INPP4B: variants seen among roughly 807,000 people sequenced by gnomAD.
INPP4B encodes inositol polyphosphate-4-phosphatase type II B, also known as inositol polyphosphate 4-phosphatase type II.
A neutral mutation model predicts 122.5 loss-of-function variants in INPP4B; 55 were observed. The ratio of observed to expected loss-of-function variants is 0.45; its 90% CI spans 0.36 to 0.56. INPP4B has a LOEUF of 0.56. Among genes scored for constraint, INPP4B ranks in the 20% least tolerant of loss-of-function variants. INPP4B has a pLI of 0.00. For synonymous variants in INPP4B, 403 were observed against 388.7 expected (o/e 1.04, Z -0.43); for missense variants, 1,000 against 1,097.7 (o/e 0.91, Z 1.26).
intron 2 of INPP4B, among the ~76,000 whole-genome samples, chr4:142,623,979 T>C (rs1039271654): frequency 7.9e-5 from 12 of 152,084 alleles, no homozygotes; most frequent in Non-Finnish European, 7.4e-5. Flanking sequence ...TGTTGGACAT[T>C]TGGGTTGGTT....
Position 142,128,342 on chromosome 4 carries a change from T to TAC in INPP4B, c.1721-3584_1721-3583dup, listed in dbSNP as rs3836673. On this transcript the variant is annotated intron_variant, in intron 18 of 25. Coordinates refer to ENST00000262992, the MANE Select transcript of INPP4B (RefSeq NM_001101669.3). ...TGTATTTCAGGATTTCGTACTTTTA[T>TAC]ACACACACACACACACACACACACA... 4.6e-3 allele frequency among the ~76,000 whole-genome samples: 686 copies of TAC among 147,554 alleles called. 5 individuals carry two copies. Among genetic ancestry groups the TAC allele is most frequent in the African/African-American group, 0.015 (607 of 39,528 alleles).
At chr4:142,499,066 A>G (rs888299394) in intron 2 of INPP4B, among the ~76,000 whole-genome samples, 2 of 152,224 alleles carry the variant, frequency 1.3e-5, no homozygotes, top group African/African-American at 4.8e-5. Context: ...TTATTTGGAA[A>G]GACTTTTCCC....
chr4:142,607,654 C>T (rs1000909051), intron 2 of INPP4B, among the ~76,000 whole-genome samples: 4 of 152,236 alleles, frequency 2.6e-5, no homozygotes, highest in East Asian at 1.9e-4. Context: ...TATTAATGCT[C>T]TGTGTACAGA....
chr4:142,382,986 A>G (rs1794731859), intron 7 of INPP4B, among the ~76,000 whole-genome samples: 1 of 151,984 alleles, frequency 6.6e-6, no homozygotes, highest in African/African-American at 2.4e-5. Flanking sequence ...TATTTTTACT[A>G]TAGTCTTATA....
intron 25 of INPP4B, among the ~76,000 whole-genome samples, chr4:142,036,274 A>G (rs1405032966): frequency 6.6e-6 from 1 of 152,180 alleles, no homozygotes; most frequent in Admixed American, 6.6e-5. Context: ...TAATAACTTT[A>G]TTGAAATCTT....
At position 142,481,133 on chromosome 4, in the gene INPP4B, C is replaced by CAA. The variant is rs551228788; in HGVS notation, c.-190-18409_-190-18408dup. On this transcript the variant is annotated intron_variant, in intron 2 of 25. Coordinates refer to ENST00000262992, the MANE Select transcript of INPP4B (RefSeq NM_001101669.3). ...CTGGCAACAGAGCGAGACTCTGTCTCAAAAAAAAAAAAAAAAAAAAAAAGT... is the reference window on the plus strand; with the variant it reads ...CTGGCAACAGAGCGAGACTCTGTCTCAAAAAAAAAAAAAAAAAAAAAAAAAGT... 6.4e-3 allele frequency among the ~76,000 whole-genome samples: 363 copies of CAA among 56,762 alleles called. 7 individuals carry two copies. Among genetic ancestry groups the CAA allele is most frequent in the Middle Eastern group, 0.02 (2 of 98 alleles). 37.2% of individuals were successfully genotyped at this position (56,762 alleles called of 152,430 possible).
At chr4:142,128,278 T>C (rs1396085185) in intron 18 of INPP4B, among the ~76,000 whole-genome samples, 5 of 151,556 alleles carry the variant, frequency 3.3e-5, no homozygotes, top group South Asian at 4.2e-4. Context: ...ACAATCTTAG[T>C]TGAAACTTGA....
intron 1 of INPP4B, among the ~76,000 whole-genome samples, chr4:142,829,659 T>G (rs1288902912): frequency 6.6e-6 from 1 of 152,142 alleles, no homozygotes; most frequent in Non-Finnish European, 1.5e-5. Flanking sequence ...GCCAGAAAAC[T>G]GTGGAGCAAT....
chr4:142,072,191 A>G (rs1767839143), intron 25 of INPP4B, among the ~76,000 whole-genome samples: 1 of 152,166 alleles, frequency 6.6e-6, no homozygotes, highest in African/African-American at 2.4e-5. Context: ...TTGTAGGGAC[A>G]TGGATGAAGC....
At chr4:142,112,482 A>G (rs1490816161) in intron 22 of INPP4B, 60 bp downstream of exon 22, 3 of 1,572,104 alleles carry the variant, frequency 1.9e-6, no homozygotes, top group Non-Finnish European at 2.6e-6. Flanking sequence ...GGGACTTCTC[A>G]TCATATGCTT....
Position 142,118,674 on chromosome 4 carries a change from C to T in INPP4B, c.2135+3454G>A, listed in dbSNP as rs376953762. On this transcript the variant is annotated intron_variant, in intron 21 of 25. Coordinates refer to ENST00000262992, the MANE Select transcript of INPP4B (RefSeq NM_001101669.3). ...TGGATTAAAGACTTAAATGTCAGAC[C>T]TAAAACCATAAAAACCCTAGAAGAA... Among the ~76,000 whole-genome samples the T allele has an allele frequency of 3.1e-3, 468 of 152,172 alleles. 2 individuals carry two copies. The highest frequency in any genetic ancestry group is 0.017 in the Middle Eastern group (5 of 294).
At chr4:142,235,190 C>T (rs547639567) in intron 12 of INPP4B, among the ~76,000 whole-genome samples, 1 of 152,136 alleles carries the variant, frequency 6.6e-6, no homozygotes, top group East Asian at 1.9e-4. Flanking sequence ...TAAGAGGTTT[C>T]TAAACTGAAG....
intron 15 of INPP4B, among the ~76,000 whole-genome samples, chr4:142,179,398 G>A (rs1032730287): frequency 6.0e-5 from 9 of 151,136 alleles, no homozygotes; most frequent in African/African-American, 1.5e-4. Flanking sequence ...GCTTGAACTC[G>A]GGAGGTGGAG....
At chr4:142,395,081 A>G (rs1798937957) in intron 7 of INPP4B, among the ~76,000 whole-genome samples, 1 of 152,236 alleles carries the variant, frequency 6.6e-6, no homozygotes, top group African/African-American at 2.4e-5. Context: ...GTGAGAGCCC[A>G]AAACAAAAAA....
intron 1 of INPP4B, among the ~76,000 whole-genome samples, chr4:142,786,877 T>A (rs1360677636): frequency 6.6e-6 from 1 of 152,058 alleles, no homozygotes; most frequent in East Asian, 1.9e-4. Flanking sequence ...AGGGGGAAAC[T>A]GTCACAATCA....
intron 16 of INPP4B, among the ~76,000 whole-genome samples, chr4:142,160,982 TTTGCACCAGCC>T: frequency 6.6e-6 from 1 of 152,004 alleles, no homozygotes. Flanking sequence ...CGCAATTACT[TTTGCACCAGCC>T]TAATATGTTT....
At position 142,424,927 on chromosome 4, in the gene INPP4B, T is replaced by C. The variant is rs79095653; in HGVS notation, c.136+4246A>G. On this transcript the variant is annotated intron_variant, in intron 5 of 25. Coordinates refer to ENST00000262992, the MANE Select transcript of INPP4B (RefSeq NM_001101669.3). ...TGTGATAATTTTTGTTATATTAATA[T>C]AAAATTACACCAGCTAATGTAGATT... Among the ~76,000 whole-genome samples the C allele has an allele frequency of 5.4e-3, 821 of 152,188 alleles. 2 individuals are homozygous for C. Among genetic ancestry groups the C allele is most frequent in the African/African-American group, 0.019 (791 of 41,544 alleles).
chr4:142,646,837 T>C (rs1372499046), intron 2 of INPP4B, among the ~76,000 whole-genome samples: 2 of 152,142 alleles, frequency 1.3e-5, no homozygotes, highest in Non-Finnish European at 2.9e-5. Context: ...AAGGGTGCTC[T>C]TGAGAAGTTT....
chr4:142,238,551 C>T (rs145179812), intron 11 of INPP4B, among the ~76,000 whole-genome samples: 4 of 152,130 alleles, frequency 2.6e-5, no homozygotes, highest in Admixed American at 6.6e-5. Context: ...TTATTTCTTA[C>T]GTGTCAGAAA....
Sources: gnomAD v4.1 joint callset for allele counts (sites outside exome capture counted in the v4.1 genomes callset) on GRCh38, gnomAD v4.1.1 for gene constraint, MANE v1.5 for transcripts, NCBI Gene and HGNC (gene_info 2026-07-23, HGNC 2026-07-21) for gene names.